Variants in OXR1 observed in about 807,000 individuals in gnomAD.
OXR1 encodes the protein oxidation resistance 1.
OXR1 carries 41 observed loss-of-function variants against 104.6 expected under a neutral mutation model. The ratio of observed to expected loss-of-function variants is 0.39; its 90% confidence interval spans 0.31 to 0.51. The LOEUF (loss-of-function observed/expected upper bound fraction) is 0.51. Ranked by LOEUF, OXR1 falls within the 20% of genes least tolerant of loss-of-function variation. The probability of loss-of-function intolerance (pLI) is 0.77; values close to 1 mark genes in which losing one functional copy is unlikely to be tolerated. For missense variants in OXR1, 955 were observed against 1,031.9 expected (o/e 0.93, Z 1.02); for synonymous variants, 348 against 348.4 (o/e 1.00, Z 0.01).
chr8:106,497,544 A>G (rs796613635), intron 2 of OXR1, among the ~76,000 whole-genome samples: 36 of 152,312 alleles, frequency 2.4e-4, no homozygotes, highest in African/African-American at 8.7e-4. Context: ...CAGTCTTGGG[A>G]AAATGTCTGG....
chr8:106,574,367 C>G (rs1428655481), intron 3 of OXR1, among the ~76,000 whole-genome samples: 2 of 152,104 alleles, frequency 1.3e-5, no homozygotes, highest in Admixed American at 1.3e-4. Flanking sequence ...AACTTCTCTC[C>G]CACTCCAACA....
chr8:106,658,013 G>T (rs1825311905), intron 3 of OXR1: 1 of 1,248,500 alleles, frequency 8.0e-7, no homozygotes, highest in East Asian at 3.2e-5. Flanking sequence ...CGTTCACCGA[G>T]AAGAGTGGGC....
At chr8:106,556,336 T>C (rs1194874432) in intron 3 of OXR1, among the ~76,000 whole-genome samples, 2 of 152,164 alleles carry the variant, frequency 1.3e-5, no homozygotes, top group African/African-American at 4.8e-5. Context: ...AAAAGTTCCT[T>C]ATGATGTCAT....
chr8:106,430,144 A>G (rs1462710163), intron 2 of OXR1, among the ~76,000 whole-genome samples: 7 of 152,164 alleles, frequency 4.6e-5, no homozygotes, highest in African/African-American at 1.7e-4. Flanking sequence ...CCCTTGCAAA[A>G]TGAATGTATT....
At chr8:106,357,706 ATT>A (rs1563734964) in intron 1 of OXR1, among the ~76,000 whole-genome samples, 2 of 152,146 alleles carry the variant, frequency 1.3e-5, no homozygotes, top group African/African-American at 4.8e-5. Flanking sequence ...CACGAGAAAT[ATT>A]TTGTTTGCTT....
At chr8:106,433,377 C>T (rs1819440781) in intron 2 of OXR1, among the ~76,000 whole-genome samples, 2 of 152,074 alleles carry the variant, frequency 1.3e-5, no homozygotes, top group South Asian at 4.1e-4. Context: ...GATGTTACCC[C>T]CAGGAGCAAT....
chr8:106,293,435 G>A (rs1237780751), intron 1 of OXR1, among the ~76,000 whole-genome samples: 1 of 152,128 alleles, frequency 6.6e-6, no homozygotes, highest in East Asian at 1.9e-4. Context: ...TCCCATTCTT[G>A]AAGAATTGCT....
intron 3 of OXR1, among the ~76,000 whole-genome samples, chr8:106,542,365 C>G (rs1023008535): frequency 1.3e-5 from 2 of 152,068 alleles, no homozygotes; most frequent in African/African-American, 2.4e-5. Flanking sequence ...AACACTCCCC[C>G]CTACACCTAG....
At chr8:106,565,971 A>T (rs568411426) in intron 3 of OXR1, among the ~76,000 whole-genome samples, 1 of 152,266 alleles carries the variant, frequency 6.6e-6, no homozygotes, top group South Asian at 2.1e-4. Context: ...ACAAAAATTA[A>T]CTCAAGATGG....
At chr8:106,662,225 A>G (rs779053668) in intron 3 of OXR1, among the ~76,000 whole-genome samples, 13 of 152,226 alleles carry the variant, frequency 8.5e-5, no homozygotes, top group South Asian at 2.1e-4. Context: ...GCTCTGCCTC[A>G]TAGCATATAT....
chr8:106,364,095 T>C (rs1816365350), intron 2 of OXR1, among the ~76,000 whole-genome samples: 1 of 152,204 alleles, frequency 6.6e-6, no homozygotes, highest in Non-Finnish European at 1.5e-5. Context: ...CCGTTTTGCA[T>C]GCCTACAGAT....
chr8:106,442,909 CT>C (rs960344978), intron 2 of OXR1, among the ~76,000 whole-genome samples: 4 of 151,448 alleles, frequency 2.6e-5, no homozygotes, highest in African/African-American at 9.7e-5. Flanking sequence ...TCTCTATCTT[CT>C]TCTTTTCTGA....
rs537294404 is a variant in OXR1, at chr8:106,383,437, C to T, written c.23+23801C>T. On this transcript the variant is annotated intron_variant, in intron 2 of 16. Transcript: ENST00000517566. Reference sequence around the variant, plus strand: ...ACAGCATTGTGTTAAAATGAAGCATCGCCTGTAAGCCAGATGTGTGCCCTT... The same window carrying T: ...ACAGCATTGTGTTAAAATGAAGCATTGCCTGTAAGCCAGATGTGTGCCCTT... Among the ~76,000 whole-genome samples the T allele has an allele frequency of 1.6e-3, 244 of 152,242 alleles. 1 individual carries two copies. The highest frequency in any genetic ancestry group is 5.7e-3 in the African/African-American group (237 of 41,556).
At chr8:106,497,204 G>C (rs960406027) in intron 2 of OXR1, among the ~76,000 whole-genome samples, 4 of 152,132 alleles carry the variant, frequency 2.6e-5, no homozygotes, top group Non-Finnish European at 1.5e-5. Flanking sequence ...GTTTAGAGGA[G>C]GATTTCATAA....
At chr8:106,303,357 C>T (rs376938147) in intron 1 of OXR1, among the ~76,000 whole-genome samples, 3 of 149,198 alleles carry the variant, frequency 2.0e-5, no homozygotes, top group East Asian at 4.0e-4. Flanking sequence ...AGGGTCACAC[C>T]ATTCTCCTGC....
rs11443787 is a variant in OXR1 at position 106,611,941 on chromosome 8, C to CAA, written c.221-67260_221-67259dup. On this transcript the variant is annotated intron_variant, in intron 3 of 16. Coordinates refer to ENST00000517566, the MANE Select transcript of OXR1 (RefSeq NM_001198533.2). ...TTTGTATGGTAAAAACACATAAAAA[C>CAA]AAAAAAAAAATAGGTCATTCTGTTT... 3.4e-3 allele frequency among the ~76,000 whole-genome samples: 505 copies of CAA among 150,348 alleles called. 4 individuals carry two copies. Among genetic ancestry groups the CAA allele is most frequent in the African/African-American group, 0.011 (433 of 41,220 alleles).
intron 3 of OXR1, among the ~76,000 whole-genome samples, chr8:106,616,270 C>T (rs1210716032): frequency 1.5e-5 from 2 of 134,734 alleles, no homozygotes; most frequent in African/African-American, 5.8e-5. Context: ...ATCATCTTAG[C>T]CAGGATGGTC....
chr8:106,635,272 C>CA, intron 3 of OXR1, among the ~76,000 whole-genome samples: 1 of 152,034 alleles, frequency 6.6e-6, no homozygotes, highest in Non-Finnish European at 1.5e-5. Flanking sequence ...AGTGTTTTAT[C>CA]AAAGAAAATA....
intron 3 of OXR1, among the ~76,000 whole-genome samples, chr8:106,570,405 T>G (rs1289221057): frequency 6.6e-6 from 1 of 152,188 alleles, no homozygotes; most frequent in East Asian, 1.9e-4. Flanking sequence ...TCACTTTTTA[T>G]GAAGTAACCA....
Sources: gnomAD v4.1 joint callset for allele counts (sites outside exome capture counted in the v4.1 genomes callset) on GRCh38, gnomAD v4.1.1 for gene constraint, MANE v1.5 for transcripts, NCBI Gene and HGNC (gene_info 2026-07-23, HGNC 2026-07-21) for gene names.